Variants in SLC24A2 observed in about 807,000 individuals in gnomAD.
SLC24A2 encodes the protein sodium/potassium/calcium exchanger 2.
SLC24A2 carries 36 observed loss-of-function variants against 62.0 expected under a neutral mutation model. That is an observed-to-expected ratio of 0.58 (90% CI 0.44 to 0.77). The LOEUF is 0.77. Among genes scored for constraint, SLC24A2 ranks in the 30% least tolerant of loss-of-function variants. SLC24A2 has a pLI of 0.00. For missense variants in SLC24A2, 846 were observed against 817.9 expected, an observed-to-expected ratio of 1.03 and a Z score of -0.42; for synonymous variants, 358 against 294.0, an observed-to-expected ratio of 1.22 and a Z score of -2.23.
At chr9:20,065,530 G>A in the SLC24A2 span, among the ~76,000 whole-genome samples, 3 of 152,184 alleles carry the variant, frequency 2.0e-5, no homozygotes, top group Middle Eastern at 3.4e-3. Context: ...GCACTATTAG[G>A]TACTTTTATT....
chr9:20,083,519 C>G, the SLC24A2 span, among the ~76,000 whole-genome samples: 2 of 152,210 alleles, frequency 1.3e-5, no homozygotes, highest in Non-Finnish European at 2.9e-5. Flanking sequence ...AACAATGTGG[C>G]CTCATTACCG....
the SLC24A2 span, among the ~76,000 whole-genome samples, chr9:20,297,931 G>A: frequency 3.7e-4 from 56 of 152,326 alleles, no homozygotes; most frequent in Non-Finnish European, 6.3e-4. Flanking sequence ...ATCACTGTCA[G>A]TTCAAGTACA....
chr9:19,521,052 C>G lies in SLC24A2; in HGVS notation c.1578G>C (p.Glu526Asp). 6.2e-7 allele frequency: 1 copy of G among 1,614,042 alleles called. No individual in the cohort carries two copies. Among genetic ancestry groups the G allele is most frequent in the Admixed American group, 1.7e-5 (1 of 60,016 alleles). ...LMVWWAHQVG[E>D]TIGISEEIMG... Reference sequence around the variant, plus strand: ...TAATCTCTTCACTGATGCCAATTGTCTCTCCAACCTAAATGTCAGGACAGG... The same window carrying G: ...TAATCTCTTCACTGATGCCAATTGTGTCTCCAACCTAAATGTCAGGACAGG... Residue 526 changes from glutamate (E) to aspartate (D), a missense_variant, in exon 10 of 11, where the codon GAG becomes GAC. Transcript: ENST00000341998.
At chr9:19,797,640 G>C in the SLC24A2 span, among the ~76,000 whole-genome samples, 1 of 152,192 alleles carries the variant, frequency 6.6e-6, no homozygotes, top group East Asian at 1.9e-4. Context: ...CTTCTCTGAA[G>C]TATTTGTGTT....
At chr9:19,722,592 T>A (rs1821058582) in intron 2 of SLC24A2, among the ~76,000 whole-genome samples, 1 of 151,944 alleles carries the variant, frequency 6.6e-6, no homozygotes, top group Admixed American at 6.6e-5. Context: ...TTAATAATGT[T>A]ACAAGATGCC....
chr9:19,877,778 A>G, the SLC24A2 span, among the ~76,000 whole-genome samples: 1 of 152,106 alleles, frequency 6.6e-6, no homozygotes. Context: ...TGCTTTGGAT[A>G]TTAAAGGGAA....
intron 7 of SLC24A2, among the ~76,000 whole-genome samples, chr9:19,557,744 T>C (rs924135548): frequency 1.0e-4 from 15 of 142,950 alleles, no homozygotes; most frequent in Non-Finnish European, 1.6e-4. Flanking sequence ...AAACATTTAA[T>C]TGACTTTTTT....
At chr9:20,011,133 G>A in the SLC24A2 span, among the ~76,000 whole-genome samples, 2 of 152,246 alleles carry the variant, frequency 1.3e-5, no homozygotes, top group South Asian at 2.1e-4. Context: ...CCAGTAATGG[G>A]ATGGCTGGGT....
the SLC24A2 span, among the ~76,000 whole-genome samples, chr9:19,977,125 G>GTGTA: frequency 3.3e-5 from 5 of 151,452 alleles, no homozygotes; most frequent in Non-Finnish European, 7.4e-5. Flanking sequence ...GTGTGTGTGT[G>GTGTA]TGTGTGTGTG....
At chr9:20,230,130 T>C in the SLC24A2 span, among the ~76,000 whole-genome samples, 2 of 152,188 alleles carry the variant, frequency 1.3e-5, no homozygotes, top group Non-Finnish European at 2.9e-5. Flanking sequence ...ATCCAGTCTA[T>C]TGTTGTTGGA....
At chr9:19,964,231 AG>A in the SLC24A2 span, among the ~76,000 whole-genome samples, 1 of 62,104 alleles carries the variant, frequency 1.6e-5, no homozygotes, top group Non-Finnish European at 2.9e-5. Flanking sequence ...GGGTGGGGGG[AG>A]GGGGGAGGGA....
chr9:19,651,022 G>A (rs1025715243), intron 2 of SLC24A2, among the ~76,000 whole-genome samples: 2 of 152,072 alleles, frequency 1.3e-5, no homozygotes, highest in African/African-American at 2.4e-5. Context: ...GATAAATAAT[G>A]TGCCACCTTA....
At chr9:20,305,977 C>CT in the SLC24A2 span, among the ~76,000 whole-genome samples, 1 of 152,226 alleles carries the variant, frequency 6.6e-6, no homozygotes, top group East Asian at 1.9e-4. Flanking sequence ...TGTCTGTGTC[C>CT]TTTTTTTAAG....
the SLC24A2 span, among the ~76,000 whole-genome samples, chr9:19,949,949 C>T: frequency 5.0e-3 from 763 of 152,256 alleles, no homozygotes; most frequent in South Asian, 9.3e-3. Flanking sequence ...CAGCGGCACC[C>T]GGGAACTTAT....
At chr9:19,846,775 C>G in the SLC24A2 span, among the ~76,000 whole-genome samples, 6 of 151,886 alleles carry the variant, frequency 4.0e-5, no homozygotes, top group African/African-American at 1.2e-4. Context: ...GTCTGTAATC[C>G]CAGCACTTTG....
chr9:19,905,699 T>C, the SLC24A2 span, among the ~76,000 whole-genome samples: 1 of 152,092 alleles, frequency 6.6e-6, no homozygotes, highest in Non-Finnish European at 1.5e-5. Flanking sequence ...CCAGCCCCCT[T>C]CCCACCTCTT....
At chr9:19,892,990 G>A in the SLC24A2 span, among the ~76,000 whole-genome samples, 1 of 152,162 alleles carries the variant, frequency 6.6e-6, no homozygotes, top group Non-Finnish European at 1.5e-5. Context: ...TTCCTCTAGA[G>A]GGGAAGAAAA....
intron 2 of SLC24A2, among the ~76,000 whole-genome samples, chr9:19,738,014 G>A (rs1026424226): frequency 1.3e-5 from 2 of 152,232 alleles, no homozygotes; most frequent in East Asian, 3.9e-4. Context: ...CTCAAAAAAT[G>A]TTGCTAATTT....
chr9:20,080,912 T>C, the SLC24A2 span, among the ~76,000 whole-genome samples: 3 of 151,938 alleles, frequency 2.0e-5, no homozygotes, highest in Non-Finnish European at 4.4e-5. Context: ...GAAATGCAAA[T>C]CAAAACCACA....
Sources: allele counts gnomAD v4.1 joint callset (sites outside exome capture counted in the v4.1 genomes callset), GRCh38; gene constraint gnomAD v4.1.1; transcripts MANE v1.5; gene names NCBI Gene and HGNC (gene_info 2026-07-23, HGNC 2026-07-21).